Variants in WDR73 observed in about 807,000 individuals in gnomAD.
WDR73 encodes integrator complex assembly factor WDR73.
A neutral mutation model predicts 38.2 loss-of-function variants in WDR73; 30 were observed. The observed-to-expected ratio is 0.79, with a 90% CI of 0.59 to 1.06. WDR73 has a LOEUF of 1.06. WDR73 is among the 50% of genes least tolerant of loss of function. WDR73 has a pLI of 0.00. For synonymous variants in WDR73, 197 were observed against 176.0 expected (o/e 1.12, Z -0.94); for missense variants, 487 against 467.0 (o/e 1.04, Z -0.40).
At chr15:84,653,466 G>A (rs1286472034) in intron 2 of WDR73, 166 bp downstream of exon 2, 1 of 569,002 alleles carries the variant, frequency 1.8e-6, no homozygotes, top group East Asian at 3.1e-5. Context: ...CACTGCTCCC[G>A]GTCAGAGATC....
At position 84,643,555 on chromosome 15, in the gene WDR73, G is replaced by T. The variant is rs1344104945; in HGVS notation, c.1052C>A (p.Pro351His). The change falls in exon 8 of 8, where the codon CCC becomes CAC. Residue 351 changes from proline (P) to histidine (H), a missense_variant. Physicochemically the swap from Pro to His is moderately conservative, Grantham distance 77. Coordinates refer to ENST00000434634, the MANE Select transcript of WDR73 (RefSeq NM_032856.5). ...TGATAACAAAGTCCTTGGTCTGCAG[G>T]GATGCCAGGTGTGGGTGGTGACCAA... The part of the protein sequence containing the change: ...APLVTTHTWH[P>H]CRPRTLLSAT... The T allele has an allele frequency of 6.2e-7, 1 of 1,610,254 alleles. No individual in the cohort carries two copies. The highest frequency in any genetic ancestry group is 8.5e-7 in the Non-Finnish European group (1 of 1,178,304).
In WDR73 at chr15:84,643,727, A is replaced by C; in HGVS notation, c.884-4T>G. On this transcript the variant is annotated splice_polypyrimidine_tract_variant and splice_region_variant and intron_variant, in intron 7 of 7. Transcript: ENST00000434634. ...ACCTGGACTGTACCATCAAAACCTG[A>C]GAATACAGAAAAGAGAGGCTTGACA... 2 of 1,610,638 alleles carry C rather than the reference A, an allele frequency of 1.2e-6. No homozygotes were observed. The highest frequency in any genetic ancestry group is 1.7e-6 in the Non-Finnish European group (2 of 1,178,368).
rs1294823430 is a variant in WDR73, at chr15:84,643,136, C to G, written c.*334G>C. On this transcript the variant is annotated 3_prime_UTR_variant, in exon 8 of 8. Coordinates refer to ENST00000434634, the MANE Select transcript of WDR73 (RefSeq NM_032856.5). ...ACATTTTTTTCTTTAAAAAAATTCA[C>G]AAAGCATGTTTATATTTGTTAGCTC... 2 of 217,096 alleles carry G rather than the reference C, an allele frequency of 9.2e-6. No homozygotes were observed. The highest frequency in any genetic ancestry group is 1.8e-5 in the Non-Finnish European group (2 of 110,270). The allele number at this position is 217,096 out of a possible 1,614,324, so 13.4% of individuals were successfully genotyped here.
chr15:84,648,933 G>A (rs1896542844), intron 3 of WDR73, among the ~76,000 whole-genome samples: 1 of 152,202 alleles, frequency 6.6e-6, no homozygotes, highest in African/African-American at 2.4e-5. Flanking sequence ...ATCAAAGAGA[G>A]CAATGAACAC....
chr15:84,652,826 T>G (rs1286552866), intron 2 of WDR73, 24 bp from the exon 3 acceptor site: 1 of 1,419,352 alleles, frequency 7.0e-7, no homozygotes, highest in Non-Finnish European at 9.5e-7. Context: ...CAGAGGTAGC[T>G]GTCACAAATT....
intron 2 of WDR73, 29 bp from the exon 3 acceptor site, chr15:84,652,831 C>G (rs948644671): frequency 1.3e-5 from 18 of 1,407,996 alleles, no homozygotes; most frequent in Non-Finnish European, 1.7e-5. Context: ...GTAGCTGTCA[C>G]AAATTGTTAG....
chr15:84,643,434 C>T lies in WDR73; in HGVS notation c.*36G>A, dbSNP rs1420065087. ...CACCCTTGCTACTACAGCAGCTCCT[C>T]CCCTTTCTAGAGGCCTAGATGGAAA... On this transcript the variant is annotated 3_prime_UTR_variant, in exon 8 of 8. Coordinates refer to ENST00000434634, the MANE Select transcript of WDR73 (RefSeq NM_032856.5). 6.5e-7 allele frequency: 1 copy of T among 1,546,784 alleles called. No individual in the cohort carries two copies. Among genetic ancestry groups the T allele is most frequent in the Non-Finnish European group, 8.7e-7 (1 of 1,144,798 alleles).
In WDR73 at chr15:84,641,628, C is replaced by G. The variant is rs1409947458; in HGVS notation, c.*1842G>C. 2 of 152,152 alleles carry G rather than the reference C, an allele frequency of 1.3e-5. No individual in the cohort carries two copies. Among genetic ancestry groups the G allele is most frequent in the African/African-American group, 2.4e-5 (1 of 41,416 alleles). 9.4% of individuals were successfully genotyped at this position (152,152 alleles called of 1,614,324 possible). A position where few individuals can be genotyped will look rare whatever the true frequency, so the allele number is the denominator to read the frequency against. ...TCTCAGGTTCAAGCAATTCTCCTGC[C>G]TCACCCTCCTGAGTAGTGGGGATTA... On this transcript the variant is annotated 3_prime_UTR_variant, in exon 8 of 8. Transcript: ENST00000434634.
chr15:84,652,833 A>G, intron 2 of WDR73, 31 bp from the exon 3 acceptor site: 5 of 1,380,672 alleles, frequency 3.6e-6, no homozygotes, highest in Non-Finnish European at 3.9e-6. Context: ...AGCTGTCACA[A>G]ATTGTTAGAA....
chr15:84,641,107 A>T lies in WDR73; in HGVS notation c.*2363T>A, dbSNP rs550226963. On this transcript the variant is annotated 3_prime_UTR_variant, in exon 8 of 8. Transcript: ENST00000434634. The stretch of plus-strand genomic sequence containing the variant: ...CTGTCACTTCCAGACATGGGAGCAG[A>T]AAGTGAATTTCAGAACTCCATGTCC... 1 of 152,248 alleles carries T rather than the reference A, an allele frequency of 6.6e-6. No homozygotes were observed. Among genetic ancestry groups the T allele is most frequent in the African/African-American group, 2.4e-5 (1 of 41,504 alleles). 9.4% of individuals were successfully genotyped at this position (152,248 alleles called of 1,614,324 possible). A position where few individuals can be genotyped will look rare whatever the true frequency, so the allele number is the denominator to read the frequency against.
chr15:84,650,117 T>C (rs578154576), intron 3 of WDR73, among the ~76,000 whole-genome samples: 4 of 152,210 alleles, frequency 2.6e-5, no homozygotes, highest in Non-Finnish European at 5.9e-5. Flanking sequence ...TTGTCTAGCC[T>C]CTTAGCCTCT....
chr15:84,643,651 CTCCGTGTTCCATCTT>C lies in WDR73; in HGVS notation c.941_955del (p.Gln314_Ser319delinsArg), dbSNP rs766900858. The C allele has an allele frequency of 1.9e-6, 2 of 1,068,456 alleles. No homozygotes were observed. Among genetic ancestry groups the C allele is most frequent in the Non-Finnish European group, 2.6e-6 (2 of 763,198 alleles). 66.2% of individuals were successfully genotyped at this position (1,068,456 alleles called of 1,614,324 possible). On this transcript the variant is annotated inframe_deletion, in exon 8 of 8. Transcript: ENST00000434634. ...GTGAGTGAAGAGAGGTTCTACTTGG[CTCCGTGTTCCATCTT>C]GGCTCCGTGTTCCATCCCAAGATGT...
chr15:84,654,192 G>A, intron 1 of WDR73, 42 bp downstream of exon 1: 5 of 1,613,460 alleles, frequency 3.1e-6, no homozygotes, highest in Non-Finnish European at 4.2e-6. Context: ...CGCCAGGCAA[G>A]CTCCAGGCCC....
intron 5 of WDR73, chr15:84,647,283 T>C (rs1896492667): frequency 6.5e-6 from 1 of 152,728 alleles, no homozygotes; most frequent in African/African-American, 2.4e-5. Context: ...TCTCTTAATA[T>C]ATGCTTAATG....
chr15:84,643,525 G>A lies in WDR73; in HGVS notation c.1082C>T (p.Thr361Ile). The A allele has an allele frequency of 1.3e-6, 2 of 1,595,200 alleles. No individual in the cohort carries two copies. Among genetic ancestry groups the A allele is most frequent in the Non-Finnish European group, 1.7e-6 (2 of 1,170,442 alleles). The change falls in exon 8 of 8, where the codon ACA (threonine) becomes ATA (isoleucine). Residue 361 changes from threonine (T) to isoleucine (I), a missense_variant. Transcript: ENST00000434634. ...PCRPRTLLSA[T>I]NDASLHVWDW... ...CCACACATGCAGAGAGGCATCATTTGTTGCTGATAACAAAGTCCTTGGTCT... is the reference window on the plus strand; with the variant it reads ...CCACACATGCAGAGAGGCATCATTTATTGCTGATAACAAAGTCCTTGGTCT...
At chr15:84,654,166 C>T (rs892898482) in intron 1 of WDR73, 68 bp downstream of exon 1, 8 of 1,607,396 alleles carry the variant, frequency 5.0e-6, no homozygotes, top group Non-Finnish European at 6.8e-6. Flanking sequence ...CGTGCCTCCA[C>T]CCACACCCAT....
intron 6 of WDR73, 94 bp from the exon 7 acceptor site, chr15:84,645,930 TC>T: frequency 1.3e-6 from 2 of 1,583,880 alleles, no homozygotes; most frequent in South Asian, 2.3e-5. Context: ...TTCCCACCAG[TC>T]CCAGGCAGAA....
chr15:84,643,848 C>T, intron 7 of WDR73, 125 bp from the exon 8 acceptor site: 1 of 1,153,134 alleles, frequency 8.7e-7, no homozygotes, highest in Non-Finnish European at 1.2e-6. Flanking sequence ...AACTCCTAGC[C>T]TCAAGCGATC....
At chr15:84,644,071 T>C (rs775493203) in intron 7 of WDR73, 42 of 235,392 alleles carry the variant, frequency 1.8e-4, no homozygotes, top group Non-Finnish European at 2.9e-4. Flanking sequence ...GCACCTGTTA[T>C]GCGTGAGGCT....
Sources: allele counts gnomAD v4.1 joint callset (sites outside exome capture counted in the v4.1 genomes callset), GRCh38; gene constraint gnomAD v4.1.1; transcripts MANE v1.5; gene names NCBI Gene and HGNC (gene_info 2026-07-23, HGNC 2026-07-21).